The following UGT2A3 variants were observed in gnomAD, a reference collection of about 807,000 sequenced individuals.
The protein encoded by UGT2A3 is UDP glucuronosyltransferase family 2 member A3.
UGT2A3 carries 55 observed loss-of-function variants against 44.1 expected under a neutral mutation model. That is an observed-to-expected ratio of 1.25 (90% CI 1.00 to 1.56). The LOEUF is 1.56. Ranked by LOEUF, UGT2A3 falls within the 40% of genes most tolerant of loss-of-function variation. UGT2A3 has a pLI of 0.00. For synonymous variants in UGT2A3, 243 were observed against 215.1 expected, an observed-to-expected ratio of 1.13 and a Z score of -1.13; for missense variants, 733 against 621.6, an observed-to-expected ratio of 1.18 and a Z score of -1.91.
chr4:68,929,690 G>T lies in UGT2A3; in HGVS notation c.*123C>A. 1 of 900,706 alleles carries T rather than the reference G, an allele frequency of 1.1e-6. No individual in the cohort carries two copies. Among genetic ancestry groups the T allele is most frequent in the South Asian group, 2.0e-5 (1 of 50,816 alleles). The allele number at this position is 900,706 out of a possible 1,614,324, so 55.8% of individuals were successfully genotyped here. A position where few individuals can be genotyped will look rare whatever the true frequency, so the allele number is the denominator to read the frequency against. ...ACAACCTCATGATCGTGGAATTCTA[G>T]GCTATATAGCTAAGATAAAATAACA... On this transcript the variant is annotated 3_prime_UTR_variant, in exon 6 of 6. Coordinates refer to ENST00000251566, the MANE Select transcript of UGT2A3 (RefSeq NM_024743.4).
intron 5 of UGT2A3, 114 bp downstream of exon 5, chr4:68,930,432 A>T: frequency 9.8e-7 from 1 of 1,020,260 alleles, no homozygotes; most frequent in Non-Finnish European, 1.4e-6. Flanking sequence ...TGAATGACTC[A>T]ATATTGTGGA....
At chr4:68,945,746 A>C (rs921738834) in intron 1 of UGT2A3, among the ~76,000 whole-genome samples, 3 of 150,996 alleles carry the variant, frequency 2.0e-5, no homozygotes. Context: ...GAAGGAAGGA[A>C]GGAAGGAAGG....
chr4:68,946,690 A>G (rs914107836), intron 1 of UGT2A3, among the ~76,000 whole-genome samples: 4 of 151,714 alleles, frequency 2.6e-5, no homozygotes, highest in African/African-American at 9.7e-5. Context: ...AAAGAAAATT[A>G]AATTTGCTTT....
At position 68,929,815 on chromosome 4, in the gene UGT2A3, A is replaced by G. The variant is rs1450164946; in HGVS notation, c.1582T>C (p.Ter528GlnextTer9). 5 of 1,585,662 alleles carry G rather than the reference A, an allele frequency of 3.2e-6. No individual in the cohort carries two copies. The highest frequency in any genetic ancestry group is 4.3e-6 in the Non-Finnish European group (5 of 1,163,476). Reference protein sequence around the residue: ...NKTRKIEKRE* With the variant: ...NKTRKIEKREQ ...GTCTTTCTTGAATTTGGAAAGATCT[A>G]TTCCCTCTTTTCTATCTTTCTAGTT... The change falls in exon 6 of 6, where the codon TAG becomes CAG. Residue 528 changes from the stop codon to glutamine (Q), a stop_lost. Transcript: ENST00000251566.
chr4:68,933,270 G>A (rs926862967), intron 2 of UGT2A3, among the ~76,000 whole-genome samples: 2 of 152,008 alleles, frequency 1.3e-5, no homozygotes, highest in African/African-American at 4.8e-5. Flanking sequence ...TGACCAGAAA[G>A]AAGAAAGATC....
At chr4:68,931,048 T>C (rs1717716538) in intron 4 of UGT2A3, 107 bp downstream of exon 4, 1 of 915,124 alleles carries the variant, frequency 1.1e-6, no homozygotes, top group African/African-American at 1.7e-5. Flanking sequence ...AAAGAGTAAG[T>C]AAAATAAAGT....
In UGT2A3 at chr4:68,940,636, G is replaced by C. The variant is rs191811727; in HGVS notation, c.864+4670C>G. ...CATGCAGCAAACCAAAATGGCACAT[G>C]TATACCTATGTAACTGACCTGCACA... On this transcript the variant is annotated intron_variant, in intron 2 of 5. Transcript: ENST00000251566. Among the ~76,000 whole-genome samples, 294 of 151,384 alleles carry C rather than the reference G, an allele frequency of 1.9e-3. 1 individual carries two copies. Among genetic ancestry groups the C allele is most frequent in the Non-Finnish European group, 3.5e-3 (240 of 67,874 alleles).
At position 68,932,683 on chromosome 4, in the gene UGT2A3, A is replaced by C. The variant is rs1258309094; in HGVS notation, c.941T>G (p.Val314Gly). 7 of 1,612,144 alleles carry C rather than the reference A, an allele frequency of 4.3e-6. No homozygotes were observed. The highest frequency in any genetic ancestry group is 1.7e-4 in the Middle Eastern group (1 of 5,796). Residue 314 changes from valine to glycine, a missense_variant, in exon 3 of 6, where the codon GTT (valine) becomes GGT (glycine). By Grantham distance (109) the Val-to-Gly change is moderately radical. Coordinates refer to ENST00000251566, the MANE Select transcript of UGT2A3 (RefSeq NM_024743.4). ...AATGATATTAGCCTTTTCTTCTGTA[A>C]CATTTTGAAACAGTGACCCCAGAGA... ...VFSLGSLFQN[V>G]TEEKANIIAS...
intron 2 of UGT2A3, among the ~76,000 whole-genome samples, chr4:68,935,058 G>T (rs1717882406): frequency 6.6e-6 from 1 of 151,114 alleles, no homozygotes; most frequent in African/African-American, 2.4e-5. Flanking sequence ...TAATGAAGAA[G>T]AAGTTTAAAT....
intron 2 of UGT2A3, among the ~76,000 whole-genome samples, chr4:68,935,903 C>T (rs1330390728): frequency 6.6e-5 from 10 of 152,044 alleles, no homozygotes; most frequent in Non-Finnish European, 1.2e-4. Context: ...AGCATGAGAA[C>T]GTCATGACAC....
chr4:68,935,258 G>GTGTA (rs200178427), intron 2 of UGT2A3, among the ~76,000 whole-genome samples: 3 of 26,198 alleles, frequency 1.1e-4, no homozygotes, highest in African/African-American at 2.7e-4. Flanking sequence ...ACAAGGAGGT[G>GTGTA]TGTATGTATG....
chr4:68,946,942 A>G (rs1718405002), intron 1 of UGT2A3, among the ~76,000 whole-genome samples: 1 of 151,740 alleles, frequency 6.6e-6, no homozygotes, highest in African/African-American at 2.4e-5. Flanking sequence ...ATGGCTAAAA[A>G]GTGCTAATAA....
intron 1 of UGT2A3, among the ~76,000 whole-genome samples, chr4:68,947,860 C>T (rs1299194160): frequency 6.6e-6 from 1 of 151,728 alleles, no homozygotes; most frequent in Non-Finnish European, 1.5e-5. Context: ...CAACAGTGTG[C>T]TTAAAATATT....
intron 2 of UGT2A3, among the ~76,000 whole-genome samples, chr4:68,941,695 G>A (rs1044153886): frequency 4.0e-5 from 6 of 151,812 alleles, no homozygotes; most frequent in African/African-American, 1.4e-4. Flanking sequence ...ACAGGGTGAA[G>A]AGACAATTCA....
Position 68,951,761 on chromosome 4 carries a change from G to A in UGT2A3, c.-1C>T. The A allele has an allele frequency of 6.4e-7, 1 of 1,574,272 alleles. No individual in the cohort carries two copies. Among genetic ancestry groups the A allele is most frequent in the Non-Finnish European group, 8.6e-7 (1 of 1,161,074 alleles). On this transcript the variant is annotated 5_prime_UTR_variant, in exon 1 of 6. Coordinates refer to ENST00000251566, the MANE Select transcript of UGT2A3 (RefSeq NM_024743.4). ...CCAAAGCTGACTTGTCAGACCTCAT[G>A]ATGGCAGTTCCCTCACACACTGATC...
chr4:68,943,425 ATC>A, intron 2 of UGT2A3: 1 of 782,794 alleles, frequency 1.3e-6, no homozygotes, highest in Non-Finnish European at 1.7e-6. Context: ...AATTATATTC[ATC>A]AATACACATC....
chr4:68,948,430 C>CTTTTTCTTCTTTTTTTTTTTTTTTTTTTT (rs772753904), intron 1 of UGT2A3, among the ~76,000 whole-genome samples: 1 of 69,706 alleles, frequency 1.4e-5, no homozygotes. Flanking sequence ...TTTTTCTTTT[C>CTTTTTCTTCTTTTTTTTTTTTTTTTTTTT]TTTTTTTTCT....
At chr4:68,945,717 A>T (rs1200974344) in intron 1 of UGT2A3, among the ~76,000 whole-genome samples, 1 of 79,990 alleles carries the variant, frequency 1.3e-5, no homozygotes, top group Non-Finnish European at 3.7e-5. Context: ...GGATGGAAAG[A>T]AGGAAGGAAG....
intron 1 of UGT2A3, among the ~76,000 whole-genome samples, chr4:68,946,662 G>T (rs1718393783): frequency 6.6e-6 from 1 of 151,642 alleles, no homozygotes; most frequent in South Asian, 2.1e-4. Context: ...CAGTAACAAG[G>T]ATAAAGATGA....
Sources: allele counts gnomAD v4.1 joint callset (sites outside exome capture counted in the v4.1 genomes callset), GRCh38; gene constraint gnomAD v4.1.1; transcripts MANE v1.5; gene names NCBI Gene and HGNC (gene_info 2026-07-23, HGNC 2026-07-21).